RIGI: variants seen among roughly 807,000 people sequenced by gnomAD.
RIGI encodes antiviral innate immune response receptor RIG-I.
chr9:32,515,682 A>G, the RIGI span, among the ~76,000 whole-genome samples: 1 of 152,202 alleles, frequency 6.6e-6, no homozygotes, highest in South Asian at 2.1e-4. Context: ...CTACTCTTGC[A>G]GTTAGTTTCC....
chr9:32,469,377 A>G, the RIGI span, among the ~76,000 whole-genome samples: 6 of 152,338 alleles, frequency 3.9e-5, no homozygotes, highest in East Asian at 1.9e-4. Flanking sequence ...GGCCAATCCA[A>G]TTCTTCCCTC....
the RIGI span, among the ~76,000 whole-genome samples, chr9:32,509,829 T>C: frequency 1.3e-5 from 2 of 151,944 alleles, no homozygotes; most frequent in Admixed American, 1.3e-4. Flanking sequence ...GCAAGGAAGC[T>C]ACAAACCTTG....
the RIGI span, among the ~76,000 whole-genome samples, chr9:32,522,151 A>G: frequency 6.6e-6 from 1 of 152,026 alleles, no homozygotes; most frequent in South Asian, 2.1e-4. Context: ...AGTTGATTGC[A>G]TGGACTGAAC....
chr9:32,465,638 C>G, the RIGI span, among the ~76,000 whole-genome samples: 3 of 152,154 alleles, frequency 2.0e-5, no homozygotes, highest in Non-Finnish European at 4.4e-5. Flanking sequence ...TGCCTGAGGT[C>G]ACACATCTTG....
chr9:32,466,866 C>G, the RIGI span, among the ~76,000 whole-genome samples: 1 of 152,110 alleles, frequency 6.6e-6, no homozygotes, highest in Non-Finnish European at 1.5e-5. Flanking sequence ...TACATGAACC[C>G]CCAGTATGAC....
chr9:32,490,352 G>C, the RIGI span, among the ~76,000 whole-genome samples: 1 of 152,176 alleles, frequency 6.6e-6, no homozygotes, highest in Non-Finnish European at 1.5e-5. Flanking sequence ...CTGAGCAACA[G>C]AGCGAGAGAC....
At chr9:32,520,225 C>T in the RIGI span, among the ~76,000 whole-genome samples, 1 of 151,800 alleles carries the variant, frequency 6.6e-6, no homozygotes, top group Admixed American at 6.6e-5. Context: ...AGTTTTGTCA[C>T]TAGAATGCTA....
chr9:32,525,918 T>C, the RIGI span: 1 of 718,884 alleles, frequency 1.4e-6, no homozygotes, highest in Non-Finnish European at 2.4e-6. Flanking sequence ...TGGCAACCTC[T>C]AGCCTAAAAT....
At chr9:32,473,243 A>G in the RIGI span, among the ~76,000 whole-genome samples, 1 of 151,576 alleles carries the variant, frequency 6.6e-6, no homozygotes, top group East Asian at 1.9e-4. Context: ...ATTAACTAAA[A>G]TGGCATAGAT....
At chr9:32,506,492 T>G in the RIGI span, among the ~76,000 whole-genome samples, 2,770 of 152,290 alleles carry the variant, frequency 0.018, 81 homozygotes, top group African/African-American at 0.062. Flanking sequence ...GTTTTGGTTA[T>G]TTCTTAATAC....
chr9:32,477,272 G>A, the RIGI span: 1 of 912,708 alleles, frequency 1.1e-6, no homozygotes, highest in Non-Finnish European at 1.6e-6. Context: ...TTTTAAATTG[G>A]TACAACCTTT....
the RIGI span, among the ~76,000 whole-genome samples, chr9:32,519,213 T>C: frequency 6.6e-6 from 1 of 152,202 alleles, no homozygotes; most frequent in Non-Finnish European, 1.5e-5. Context: ...TTGCTGTTTC[T>C]TCTTCTTTAG....
chr9:32,488,966 C>G, the RIGI span: 1 of 1,196,912 alleles, frequency 8.4e-7, no homozygotes, highest in Non-Finnish European at 1.1e-6. Context: ...ATTTTTGGCT[C>G]TTCTAATACC....
the RIGI span, among the ~76,000 whole-genome samples, chr9:32,501,343 A>AG: frequency 6.8e-6 from 1 of 147,034 alleles, no homozygotes; most frequent in African/African-American, 2.5e-5. Flanking sequence ...AAAAAAAAAA[A>AG]AAATTTTTTT....
chr9:32,504,070 C>CT, the RIGI span, among the ~76,000 whole-genome samples: 1 of 151,972 alleles, frequency 6.6e-6, no homozygotes, highest in African/African-American at 2.4e-5. Context: ...CACACACACC[C>CT]AGGTCTGCCT....
the RIGI span, chr9:32,492,281 G>A: frequency 8.4e-7 from 1 of 1,190,864 alleles, no homozygotes; most frequent in Non-Finnish European, 1.2e-6. Context: ...TCTCGCGTTA[G>A]AGATGTAGCT....
At chr9:32,523,968 C>A in the RIGI span, among the ~76,000 whole-genome samples, 2 of 152,084 alleles carry the variant, frequency 1.3e-5, no homozygotes, top group African/African-American at 4.8e-5. Context: ...TCACCTTGGA[C>A]CTTTGCACAT....
the RIGI span, among the ~76,000 whole-genome samples, chr9:32,511,619 GGAGA>G: frequency 1.3e-5 from 2 of 151,912 alleles, no homozygotes; most frequent in African/African-American, 4.8e-5. Flanking sequence ...AATGCCCACA[GGAGA>G]AAGAGGGAAA....
the RIGI span, chr9:32,467,747 C>T: frequency 6.4e-7 from 1 of 1,557,894 alleles, no homozygotes. Context: ...GGAATGGCCT[C>T]AAAGCTTCTC....
Sources: allele counts gnomAD v4.1 joint callset (sites outside exome capture counted in the v4.1 genomes callset), GRCh38; gene constraint gnomAD v4.1.1; transcripts MANE v1.5; gene names NCBI Gene and HGNC (gene_info 2026-07-23, HGNC 2026-07-21).